MAP2K5: variants seen among roughly 807,000 people sequenced by gnomAD.
The protein encoded by MAP2K5 is dual specificity mitogen-activated protein kinase kinase 5.
Under a neutral mutation model 83.1 loss-of-function variants are expected in MAP2K5, and 49 were observed. The ratio of observed to expected loss-of-function variants is 0.59; its 90% CI spans 0.47 to 0.75. The LOEUF (loss-of-function observed/expected upper bound fraction) is 0.75. MAP2K5 is among the 30% of genes least tolerant of loss of function. MAP2K5 has a pLI of 0.00. For synonymous variants in MAP2K5, 202 were observed against 191.8 expected, an observed-to-expected ratio of 1.05 and a Z score of -0.44; for missense variants, 457 against 557.5, an observed-to-expected ratio of 0.82 and a Z score of 1.82.
In MAP2K5 at chr15:67,665,129, AC is replaced by A. The variant is rs1426212935; in HGVS notation, c.847+486del. 6.6e-6 allele frequency among the ~76,000 whole-genome samples: 1 copy of A among 152,120 alleles called. No homozygotes were observed. Among genetic ancestry groups the A allele is most frequent in the Non-Finnish European group, 1.5e-5 (1 of 68,012 alleles). On this transcript the variant is annotated intron_variant, in intron 13 of 21. Transcript: ENST00000178640. This position sits in a 1 kb window ranked among gnomAD's most constrained non-coding sequence, Gnocchi z 4.2. ...ACCCCTAGCCTCAAGCAGTCCTCCTACCTTGGCCTCCCAGAGTGCTAGGATT... is the reference window on the plus strand; with the variant it reads ...ACCCCTAGCCTCAAGCAGTCCTCCTACTTGGCCTCCCAGAGTGCTAGGATT...
At chr15:67,700,682 G>A (rs2088393464) in intron 15 of MAP2K5, among the ~76,000 whole-genome samples, 1 of 152,076 alleles carries the variant, frequency 6.6e-6, no homozygotes, top group African/African-American at 2.4e-5. Flanking sequence ...ATCACTTCCA[G>A]GGGCCTGAGC....
intron 16 of MAP2K5, among the ~76,000 whole-genome samples, chr15:67,727,620 G>A (rs12914773): frequency 0.55 from 83,592 of 152,038 alleles, 23,694 homozygotes; most frequent in Non-Finnish European, 0.6. Context: ...TCACACACAC[G>A]TAAATGTGAA....
At chr15:67,589,783 A>ATGTGTGTGTG (rs10584480) in intron 6 of MAP2K5, among the ~76,000 whole-genome samples, 1 of 150,134 alleles carries the variant, frequency 6.7e-6, no homozygotes, top group East Asian at 2.0e-4. Flanking sequence ...GTGTGTGTGT[A>ATGTGTGTGTG]TGTGTGTGTG....
At position 67,717,168 on chromosome 15, in the gene MAP2K5, ACT is replaced by A. The variant is rs1209444987; in HGVS notation, c.1045-10745_1045-10744del. 6.6e-6 allele frequency among the ~76,000 whole-genome samples: 1 copy of A among 152,118 alleles called. No homozygotes were observed. Among genetic ancestry groups the A allele is most frequent in the African/African-American group, 2.4e-5 (1 of 41,426 alleles). On this transcript the variant is annotated intron_variant, in intron 16 of 21. Transcript: ENST00000178640. The surrounding 1 kb of genome is among the most constrained non-coding windows in gnomAD (Gnocchi z 4.1). ...TAAAGGAAAAGACAGGTTAACTGTG[ACT>A]CTGCTGGTCAGTTAAGACTGCTTTT... is the stretch of plus-strand genomic sequence containing the variant.
At chr15:67,699,399 A>G (rs2088353808) in intron 15 of MAP2K5, among the ~76,000 whole-genome samples, 1 of 152,234 alleles carries the variant, frequency 6.6e-6, no homozygotes. Context: ...GTGTAAGAGT[A>G]AACTAGATCT....
chr15:67,719,232 G>A lies in MAP2K5; in HGVS notation c.1045-8684G>A, dbSNP rs1176839573. On this transcript the variant is annotated intron_variant, in intron 16 of 21. Transcript: ENST00000178640. This position sits in a 1 kb window ranked among gnomAD's most constrained non-coding sequence, Gnocchi z 4.6. ...AAATGGTAGCTACTGATCAGTCTAAGCAGTGATACGTAAGAGGGCCTTGTC... is the reference window on the plus strand; with the variant it reads ...AAATGGTAGCTACTGATCAGTCTAAACAGTGATACGTAAGAGGGCCTTGTC... Among the ~76,000 whole-genome samples the A allele has an allele frequency of 6.6e-6, 1 of 152,128 alleles. No individual in the cohort carries two copies. The highest frequency in any genetic ancestry group is 2.4e-5 in the African/African-American group (1 of 41,430).
intron 12 of MAP2K5, chr15:67,658,868 C>A: frequency 2.0e-6 from 1 of 509,324 alleles, no homozygotes; most frequent in South Asian, 1.7e-5. Context: ...CTTGTTGACT[C>A]GTAAAATTTC....
chr15:67,701,552 A>G (rs1422347201), intron 15 of MAP2K5, among the ~76,000 whole-genome samples: 1 of 152,230 alleles, frequency 6.6e-6, no homozygotes, highest in African/African-American at 2.4e-5. Context: ...TTCACCCTCA[A>G]ACAGGATCTG....
At chr15:67,759,404 A>C (rs970725697) in intron 19 of MAP2K5, among the ~76,000 whole-genome samples, 5 of 151,924 alleles carry the variant, frequency 3.3e-5, no homozygotes, top group African/African-American at 1.2e-4. Context: ...ACAAAAAAAA[A>C]CAAAAATTAG....
At chr15:67,671,579 G>A (rs1046862549) in intron 13 of MAP2K5, among the ~76,000 whole-genome samples, 5 of 152,090 alleles carry the variant, frequency 3.3e-5, no homozygotes, top group African/African-American at 1.2e-4. Flanking sequence ...TGAAAATGAA[G>A]TATTATAATT....
At chr15:67,624,538 A>G (rs1410961455) in intron 8 of MAP2K5, among the ~76,000 whole-genome samples, 4 of 151,762 alleles carry the variant, frequency 2.6e-5, no homozygotes, top group Non-Finnish European at 5.9e-5. Context: ...TTTGAATTAT[A>G]TGTTTCCCTG....
rs751212265 is a variant in MAP2K5, at chr15:67,586,878, C to T, written c.396C>T (p.Ser132=). The change falls in exon 6 of 22, where the codon AGC becomes AGT. Residue 132 remains serine, a synonymous_variant. Coordinates refer to ENST00000178640, the MANE Select transcript of MAP2K5 (RefSeq NM_145160.3). Reference sequence around the variant, plus strand: ...CTCGGGCCGGACCCTCTCAACACAGCAGCCCAGCAGTCTCAGATTCACTTC... The same window carrying T: ...CTCGGGCCGGACCCTCTCAACACAGTAGCCCAGCAGTCTCAGATTCACTTC... ...VNTRAGPSQH[S]SPAVSDSLPS... 3.1e-6 allele frequency: 5 copies of T among 1,614,054 alleles called. No individual in the cohort carries two copies. Among genetic ancestry groups the T allele is most frequent in the Admixed American group, 3.3e-5 (2 of 60,008 alleles).
intron 3 of MAP2K5, among the ~76,000 whole-genome samples, chr15:67,579,755 A>T (rs1280378086): frequency 6.6e-6 from 1 of 152,120 alleles, no homozygotes; most frequent in African/African-American, 2.4e-5. Flanking sequence ...CAATAGGAAG[A>T]TATATGTGAT....
intron 15 of MAP2K5, among the ~76,000 whole-genome samples, chr15:67,694,777 A>G (rs2088205286): frequency 6.6e-6 from 1 of 152,140 alleles, no homozygotes; most frequent in Non-Finnish European, 1.5e-5. Flanking sequence ...CCAAAGGATT[A>G]TAAATCATGC....
intron 4 of MAP2K5, among the ~76,000 whole-genome samples, chr15:67,584,930 T>A (rs1482067850): frequency 1.3e-5 from 2 of 151,842 alleles, no homozygotes; most frequent in Non-Finnish European, 2.9e-5. Context: ...TCTCTTGACC[T>A]CATGATCAGC....
intron 9 of MAP2K5, among the ~76,000 whole-genome samples, chr15:67,634,239 T>G (rs1182738896): frequency 2.0e-5 from 3 of 150,708 alleles, no homozygotes; most frequent in Admixed American, 2.0e-4. Flanking sequence ...CATGGTGGTG[T>G]GTGCCTGTAG....
At chr15:67,671,904 C>T (rs1411228344) in intron 13 of MAP2K5, among the ~76,000 whole-genome samples, 1 of 147,876 alleles carries the variant, frequency 6.8e-6, no homozygotes, top group Non-Finnish European at 1.5e-5. Context: ...TGAGTGAAAA[C>T]ATGTGGTGTT....
In MAP2K5 at chr15:67,636,748, G is replaced by A. The variant is rs115032678; in HGVS notation, c.585+5821G>A. Among the ~76,000 whole-genome samples the A allele has an allele frequency of 3.3e-3, 509 of 152,226 alleles. 2 individuals carry two copies. The highest frequency in any genetic ancestry group is 0.012 in the African/African-American group (483 of 41,524). ...TTCTGAGATTGTGGTGGGTAATATT[G>A]AGTGTTAACTCGATTGGGTTGAAGG... On this transcript the variant is annotated intron_variant, in intron 9 of 21. Transcript: ENST00000178640. The surrounding 1 kb of genome is among the most constrained non-coding windows in gnomAD (Gnocchi z 4.7).
At chr15:67,551,995 A>G (rs1477929394) in intron 2 of MAP2K5, among the ~76,000 whole-genome samples, 2 of 149,286 alleles carry the variant, frequency 1.3e-5, no homozygotes, top group African/African-American at 4.9e-5. Context: ...ATTGAAAGAT[A>G]GGATCTGAAG....
Sources: allele counts gnomAD v4.1 joint callset (sites outside exome capture counted in the v4.1 genomes callset), GRCh38; gene constraint gnomAD v4.1.1; non-coding constraint Gnocchi (gnomAD v3.1); transcripts MANE v1.5; gene names NCBI Gene and HGNC (gene_info 2026-07-23, HGNC 2026-07-21).